PAPPA2: variants seen among roughly 807,000 people sequenced by gnomAD.
The protein encoded by PAPPA2 is pappalysin-2.
PAPPA2 carries 86 observed loss-of-function variants against 176.4 expected under a neutral mutation model. That is an observed-to-expected ratio of 0.49 (90% confidence interval 0.41 to 0.58). The LOEUF is 0.58. Among genes scored for constraint, PAPPA2 ranks in the 20% least tolerant of loss-of-function variants. The pLI is 0.00. For synonymous variants in PAPPA2, 809 were observed against 852.2 expected (o/e 0.95, Z 0.88); for missense variants, 2,073 against 2,256.9 (o/e 0.92, Z 1.65).
At position 176,702,727 on chromosome 1, in the gene PAPPA2, G is replaced by A; in HGVS notation, c.3357G>A (p.Lys1119=). Residue 1119 remains lysine (K), a synonymous_variant, in exon 9 of 23, where the codon AAG becomes AAA. Coordinates refer to ENST00000367662, the MANE Select transcript of PAPPA2 (RefSeq NM_020318.3). The part of the protein sequence containing the change: ...IHGAPYCGDG[K]VSERLGEECD... ...GAGCTCCTTATTGTGGAGATGGGAA[G>A]GTGTCAGAGTGAGTATTTTGTGTGT... 6.3e-7 allele frequency: 1 copy of A among 1,582,340 alleles called. No homozygotes were observed. Among genetic ancestry groups the A allele is most frequent in the Non-Finnish European group, 8.6e-7 (1 of 1,160,772 alleles).
chr1:176,624,796 C>A lies in PAPPA2; in HGVS notation c.1991+29201C>A, dbSNP rs375508744. Among the ~76,000 whole-genome samples the A allele has an allele frequency of 2.1e-3, 327 of 152,238 alleles. 14 individuals carry two copies. In the South Asian group the frequency reaches 0.058, roughly 27 times the overall value. On this transcript the variant is annotated intron_variant, in intron 3 of 22. Transcript: ENST00000367662. ...GTAATGATTTTAGGATGTTTGGGAGCAAAGTCTACTGGGACTATTCAGGAG... is the reference window on the plus strand; with the variant it reads ...GTAATGATTTTAGGATGTTTGGGAGAAAAGTCTACTGGGACTATTCAGGAG...
chr1:176,682,512 T>C (rs1659633494), intron 4 of PAPPA2, among the ~76,000 whole-genome samples: 1 of 152,194 alleles, frequency 6.6e-6, no homozygotes, highest in Non-Finnish European at 1.5e-5. Flanking sequence ...TATGGGTACA[T>C]AATAGTTGTA....
intron 15 of PAPPA2, among the ~76,000 whole-genome samples, chr1:176,768,395 A>T (rs1664073836): frequency 3.9e-5 from 6 of 152,138 alleles, no homozygotes; most frequent in Admixed American, 3.9e-4. Flanking sequence ...TGCATTATAC[A>T]ATATGGCTTT....
At chr1:176,630,566 G>A (rs1656281207) in intron 3 of PAPPA2, among the ~76,000 whole-genome samples, 1 of 152,106 alleles carries the variant, frequency 6.6e-6, no homozygotes, top group Non-Finnish European at 1.5e-5. Flanking sequence ...ATGGGTTGGA[G>A]GGGGGACATT....
At chr1:176,777,600 A>G (rs961507876) in intron 17 of PAPPA2, among the ~76,000 whole-genome samples, 1 of 152,132 alleles carries the variant, frequency 6.6e-6, no homozygotes, top group African/African-American at 2.4e-5. Flanking sequence ...CTCTGGCATT[A>G]TTGAGATCTA....
chr1:176,807,067 G>A (rs780277081), intron 21 of PAPPA2, among the ~76,000 whole-genome samples: 13 of 152,198 alleles, frequency 8.5e-5, no homozygotes, highest in South Asian at 2.1e-4. Context: ...TCTAAGATAG[G>A]ATGGATATGA....
intron 3 of PAPPA2, among the ~76,000 whole-genome samples, chr1:176,661,173 T>C (rs1180367811): frequency 6.6e-6 from 1 of 152,018 alleles, no homozygotes; most frequent in Non-Finnish European, 1.5e-5. Context: ...CTTTCTACCA[T>C]GAGAATGAAA....
At chr1:176,734,356 C>T (rs925024205) in intron 12 of PAPPA2, among the ~76,000 whole-genome samples, 1 of 151,582 alleles carries the variant, frequency 6.6e-6, no homozygotes, top group African/African-American at 2.4e-5. Context: ...GTTCCCCCTT[C>T]ATTTCAAAAA....
In PAPPA2 at chr1:176,690,488, T is replaced by G. The variant is rs371145032; in HGVS notation, c.2431+58T>G. ...AGAATACATGGGGGCCTTTGAGAGC[T>G]GGGAGGGTGGAGGTGTGGGAGCTGA... On this transcript the variant is annotated intron_variant, in intron 5 of 22. Transcript: ENST00000367662. 1.6e-5 allele frequency: 25 copies of G among 1,583,074 alleles called. No individual in the cohort carries two copies. The African/African-American group carries it at 3.2e-4, about 20-fold the overall frequency.
intron 14 of PAPPA2, among the ~76,000 whole-genome samples, chr1:176,757,510 G>T (rs1281708619): frequency 6.6e-6 from 1 of 152,164 alleles, no homozygotes; most frequent in East Asian, 1.9e-4. Flanking sequence ...GTCTTCTTTT[G>T]AGAGGTGTCT....
chr1:176,686,046 C>A (rs914786965), intron 4 of PAPPA2, among the ~76,000 whole-genome samples: 8 of 152,254 alleles, frequency 5.3e-5, no homozygotes, highest in African/African-American at 1.9e-4. Context: ...AAACTCATTT[C>A]CCTAATAACA....
chr1:176,581,211 A>C (rs1652939714), intron 2 of PAPPA2, among the ~76,000 whole-genome samples: 1 of 152,156 alleles, frequency 6.6e-6, no homozygotes, highest in South Asian at 2.1e-4. Flanking sequence ...CCATTTATTG[A>C]AAAGATTTTC....
At chr1:176,601,389 C>G (rs1380141623) in intron 3 of PAPPA2, among the ~76,000 whole-genome samples, 1 of 152,136 alleles carries the variant, frequency 6.6e-6, no homozygotes, top group African/African-American at 2.4e-5. Context: ...CAGCAAGAAA[C>G]CAGAAATCTA....
rs146096529 is a variant in PAPPA2 at position 176,622,470 on chromosome 1, G to A, written c.1991+26875G>A. ...AATATAAAAACTGTGATCTAAGGAG[G>A]TCAAGAGTGATCTCTAAAGATCTAA... On this transcript the variant is annotated intron_variant, in intron 3 of 22. Transcript: ENST00000367662. 3.0e-3 allele frequency among the ~76,000 whole-genome samples: 452 copies of A among 152,276 alleles called. 3 individuals are homozygous for A. The highest frequency in any genetic ancestry group is 0.011 in the African/African-American group (438 of 41,554).
At chr1:176,539,235 G>A (rs1650238919) in intron 1 of PAPPA2, among the ~76,000 whole-genome samples, 1 of 152,106 alleles carries the variant, frequency 6.6e-6, no homozygotes, top group Non-Finnish European at 1.5e-5. Flanking sequence ...TGGCTGCCAG[G>A]ATTTGTATGG....
intron 2 of PAPPA2, among the ~76,000 whole-genome samples, chr1:176,557,994 T>TAC (rs1317284757): frequency 6.6e-6 from 1 of 152,194 alleles, no homozygotes; most frequent in Non-Finnish European, 1.5e-5. Flanking sequence ...TTGTTTGCAC[T>TAC]ACACACAGAT....
At chr1:176,657,240 C>T (rs547067732) in intron 3 of PAPPA2, among the ~76,000 whole-genome samples, 2 of 151,908 alleles carry the variant, frequency 1.3e-5, no homozygotes, top group Non-Finnish European at 2.9e-5. Context: ...AAGAAGTTAT[C>T]CTGGAGATAG....
chr1:176,542,710 G>C lies in PAPPA2; in HGVS notation c.-916-12697G>C, dbSNP rs908156667. 2.0e-5 allele frequency among the ~76,000 whole-genome samples: 3 copies of C among 152,302 alleles called. No homozygotes were observed. The South Asian group carries it at 6.2e-4, about 32-fold the overall frequency. On this transcript the variant is annotated intron_variant, in intron 1 of 22. Coordinates refer to ENST00000367662, the MANE Select transcript of PAPPA2 (RefSeq NM_020318.3). ...TTACGGGCTCAGACTGCCTTGGTTTGATTTCCTGCTCCTGCTATGGCTGAG... is the reference window on the plus strand; with the variant it reads ...TTACGGGCTCAGACTGCCTTGGTTTCATTTCCTGCTCCTGCTATGGCTGAG...
At chr1:176,550,161 T>C (rs1388576254) in intron 1 of PAPPA2, among the ~76,000 whole-genome samples, 1 of 152,246 alleles carries the variant, frequency 6.6e-6, no homozygotes, top group African/African-American at 2.4e-5. Context: ...TGTTTCTGGC[T>C]GTGTTCTTAC....
Sources: allele counts gnomAD v4.1 joint callset (sites outside exome capture counted in the v4.1 genomes callset), GRCh38; gene constraint gnomAD v4.1.1; transcripts MANE v1.5; gene names NCBI Gene and HGNC (gene_info 2026-07-23, HGNC 2026-07-21).